RAI14: variants seen among roughly 807,000 people sequenced by gnomAD.
The protein encoded by RAI14 is retinoic acid induced 14.
Under a neutral mutation model 115.4 loss-of-function variants are expected in RAI14, and 45 were observed. The ratio of observed to expected loss-of-function variants is 0.39; its 90% confidence interval spans 0.31 to 0.50. The LOEUF (loss-of-function observed/expected upper bound fraction) is 0.50. RAI14 is among the 20% of genes least tolerant of loss of function. The pLI is 0.85. For synonymous variants in RAI14, 371 were observed against 415.4 expected, an observed-to-expected ratio of 0.89 and a Z score of 1.30; for missense variants, 939 against 1,131.2, an observed-to-expected ratio of 0.83 and a Z score of 2.44.
chr5:34,690,167 T>A (rs902232571), intron 2 of RAI14, among the ~76,000 whole-genome samples: 1 of 152,182 alleles, frequency 6.6e-6, no homozygotes, highest in African/African-American at 2.4e-5. Context: ...TATGTATTGT[T>A]AAGGAAAAGC....
Position 34,715,049 on chromosome 5 carries a change from T to A in RAI14, c.36+28094T>A, listed in dbSNP as rs555464961. On this transcript the variant is annotated intron_variant, in intron 2 of 17. Transcript: ENST00000265109. ...AGAAGGAATTCATGAGTCAGAAAAT[T>A]GTAGAAGTATGGAGATTTATTGCAA... 1.5e-3 allele frequency among the ~76,000 whole-genome samples: 235 copies of A among 152,056 alleles called. 2 individuals are homozygous for A. Among genetic ancestry groups the A allele is most frequent in the African/African-American group, 5.5e-3 (230 of 41,448 alleles).
intron 2 of RAI14, among the ~76,000 whole-genome samples, chr5:34,727,972 A>G (rs1743682773): frequency 6.6e-6 from 1 of 152,142 alleles, no homozygotes; most frequent in Non-Finnish European, 1.5e-5. Flanking sequence ...GGATCCACTG[A>G]CAGCTTGCAC....
chr5:34,669,021 T>C (rs747117820), intron 1 of RAI14, among the ~76,000 whole-genome samples: 8 of 152,088 alleles, frequency 5.3e-5, no homozygotes, highest in Non-Finnish European at 8.8e-5. Flanking sequence ...CACGTCCAGC[T>C]AATTTTTGTA....
chr5:34,732,074 T>G (rs1003893749), intron 2 of RAI14, among the ~76,000 whole-genome samples: 1 of 151,450 alleles, frequency 6.6e-6, no homozygotes, highest in African/African-American at 2.4e-5. Flanking sequence ...GCCCCTGGAG[T>G]TGGGGTGGTC....
intron 3 of RAI14, among the ~76,000 whole-genome samples, chr5:34,765,847 A>T (rs568722255): frequency 2.6e-5 from 4 of 152,234 alleles, no homozygotes; most frequent in Admixed American, 2.0e-4. Flanking sequence ...CAGGAGGAAA[A>T]AGTGGTTTCA....
intron 3 of RAI14, among the ~76,000 whole-genome samples, chr5:34,779,999 C>A (rs1751403800): frequency 6.6e-6 from 1 of 152,164 alleles, no homozygotes; most frequent in Non-Finnish European, 1.5e-5. Context: ...ACCAAAACAG[C>A]ACAGTACTGG....
At chr5:34,687,001 G>A (rs773623692) in intron 2 of RAI14, 46 bp downstream of exon 2, 1 of 1,608,482 alleles carries the variant, frequency 6.2e-7, no homozygotes, top group African/African-American at 1.3e-5. Flanking sequence ...TCTTCTCCAT[G>A]GAGCTGCAGA....
intron 3 of RAI14, among the ~76,000 whole-genome samples, chr5:34,784,556 C>G (rs1752057940): frequency 6.6e-6 from 1 of 152,142 alleles, no homozygotes; most frequent in Non-Finnish European, 1.5e-5. Flanking sequence ...AATCTGAGTT[C>G]TCCCATTTCC....
At chr5:34,802,062 G>C (rs564080913) in intron 4 of RAI14, among the ~76,000 whole-genome samples, 1 of 152,230 alleles carries the variant, frequency 6.6e-6, no homozygotes, top group South Asian at 2.1e-4. Context: ...AAAAAGAAAA[G>C]AAATTGTTCC....
At chr5:34,679,521 T>C (rs1372864526) in intron 1 of RAI14, among the ~76,000 whole-genome samples, 1 of 151,106 alleles carries the variant, frequency 6.6e-6, no homozygotes, top group African/African-American at 2.5e-5. Flanking sequence ...GTGGGGGGAA[T>C]CCCTGGCTTG....
chr5:34,808,771 G>T, intron 7 of RAI14, 117 bp downstream of exon 7: 1 of 974,608 alleles, frequency 1.0e-6, no homozygotes, highest in Non-Finnish European at 1.6e-6. Context: ...TTGGCATCAG[G>T]GGCTGATTTT....
At chr5:34,787,200 C>A (rs1358966888) in intron 3 of RAI14, among the ~76,000 whole-genome samples, 2 of 152,148 alleles carry the variant, frequency 1.3e-5, no homozygotes, top group Non-Finnish European at 2.9e-5. Context: ...CAGTTTATGG[C>A]CAGATTTGGG....
At chr5:34,804,399 C>T (rs1754622566) in intron 5 of RAI14, among the ~76,000 whole-genome samples, 1 of 152,132 alleles carries the variant, frequency 6.6e-6, no homozygotes, top group South Asian at 2.1e-4. Flanking sequence ...AATAGCCATC[C>T]ATACGGTAAC....
chr5:34,679,626 G>A (rs750928704), intron 1 of RAI14, among the ~76,000 whole-genome samples: 7 of 152,166 alleles, frequency 4.6e-5, no homozygotes, highest in East Asian at 1.9e-4. Context: ...TGACCCTAAC[G>A]TTGCATTATT....
intron 2 of RAI14, among the ~76,000 whole-genome samples, chr5:34,731,024 A>C (rs928042476): frequency 6.6e-6 from 1 of 152,108 alleles, no homozygotes; most frequent in Non-Finnish European, 1.5e-5. Context: ...AACAAGAAAA[A>C]CAGAACAATT....
chr5:34,769,046 C>A (rs1422470132), intron 3 of RAI14, among the ~76,000 whole-genome samples: 1 of 151,558 alleles, frequency 6.6e-6, no homozygotes. Context: ...GATCTTCCAT[C>A]TCAGTGTCCT....
intron 2 of RAI14, among the ~76,000 whole-genome samples, chr5:34,752,937 A>G (rs73074516): frequency 0.032 from 4,828 of 151,700 alleles, 281 homozygotes; most frequent in African/African-American, 0.11. Context: ...CCAGTCCAGA[A>G]ATGTATTTTA....
At chr5:34,769,051 T>C (rs1025966822) in intron 3 of RAI14, among the ~76,000 whole-genome samples, 2 of 151,896 alleles carry the variant, frequency 1.3e-5, no homozygotes, top group African/African-American at 4.8e-5. Context: ...TCCATCTCAG[T>C]GTCCTCTCCC....
At chr5:34,803,253 A>G (rs983907724) in intron 4 of RAI14, among the ~76,000 whole-genome samples, 1 of 152,204 alleles carries the variant, frequency 6.6e-6, no homozygotes, top group African/African-American at 2.4e-5. Context: ...CACTCGCAAG[A>G]ATAACAGTTC....
Sources: allele counts gnomAD v4.1 joint callset (sites outside exome capture counted in the v4.1 genomes callset), GRCh38; gene constraint gnomAD v4.1.1; transcripts MANE v1.5; gene names NCBI Gene and HGNC (gene_info 2026-07-23, HGNC 2026-07-21).